The following SPIDR variants were observed in gnomAD, a reference collection of about 807,000 sequenced individuals.
The protein encoded by SPIDR is DNA repair-scaffolding protein.
SPIDR carries 93 observed loss-of-function variants against 104.6 expected under a neutral mutation model. The ratio of observed to expected loss-of-function variants is 0.89; its 90% confidence interval spans 0.75 to 1.06. The LOEUF is 1.06. Among genes scored for constraint, SPIDR ranks in the 50% least tolerant of loss-of-function variants. SPIDR has a pLI of 0.00. For missense variants in SPIDR, 1,154 were observed against 1,111.2 expected, an observed-to-expected ratio of 1.04 and a Z score of -0.55; for synonymous variants, 431 against 416.9, an observed-to-expected ratio of 1.03 and a Z score of -0.41.
At chr8:47,438,122 A>C in intron 7 of SPIDR, among the ~76,000 whole-genome samples, 1 of 152,222 alleles carries the variant, frequency 6.6e-6, no homozygotes, top group Non-Finnish European at 1.5e-5. Context: ...GCAGCTGAGC[A>C]TGGCTGGGGG....
chr8:47,585,409 T>A lies in SPIDR; in HGVS notation c.1098-10402T>A, dbSNP rs952962760. 6.6e-5 allele frequency among the ~76,000 whole-genome samples: 10 copies of A among 152,352 alleles called. No homozygotes were observed. In the East Asian group the frequency reaches 1.9e-3, roughly 29 times the overall value. ...TGTTGTTTTAGATTGATTAATGTTA[T>A]ACAATGTCTATTTTTTATTAAATTT... is the stretch of plus-strand genomic sequence containing the variant. On this transcript the variant is annotated intron_variant, in intron 8 of 19. Coordinates refer to ENST00000297423, the MANE Select transcript of SPIDR (RefSeq NM_001080394.4).
At chr8:47,464,554 T>C (rs73565251) in intron 8 of SPIDR, among the ~76,000 whole-genome samples, 6,138 of 152,164 alleles carry the variant, frequency 0.04, 362 homozygotes, top group African/African-American at 0.13. Flanking sequence ...TCCTAGCCCC[T>C]GGTGACTCTG....
At chr8:47,503,866 A>G (rs527636344) in intron 8 of SPIDR, among the ~76,000 whole-genome samples, 2 of 152,230 alleles carry the variant, frequency 1.3e-5, no homozygotes, top group East Asian at 1.9e-4. Context: ...TTTGTCTGTA[A>G]AGGATTTTAT....
chr8:47,700,333 A>G (rs962519412), intron 11 of SPIDR, 70 bp from the exon 12 acceptor site: 2 of 1,490,864 alleles, frequency 1.3e-6, no homozygotes, highest in Non-Finnish European at 1.9e-6. Context: ...TAAGCATTCT[A>G]CCAGCTCACT....
intron 8 of SPIDR, among the ~76,000 whole-genome samples, chr8:47,567,780 C>CTTTTTTTTTTTTTTTTTTTTTTTTT (rs35199139): frequency 9.9e-5 from 7 of 71,004 alleles, no homozygotes; most frequent in Non-Finnish European, 1.3e-4. Flanking sequence ...TTTTCTTTTT[C>CTTTTTTTTTTTTTTTTTTTTTTTTT]TTTTTTTTTT....
At chr8:47,335,167 A>T (rs1245166492) in intron 5 of SPIDR, among the ~76,000 whole-genome samples, 2 of 152,180 alleles carry the variant, frequency 1.3e-5, no homozygotes, top group Admixed American at 6.5e-5. Context: ...AATTAAGAAT[A>T]AAAAAATAAA....
intron 8 of SPIDR, among the ~76,000 whole-genome samples, chr8:47,570,116 A>G (rs1271042601): frequency 6.6e-6 from 1 of 152,208 alleles, no homozygotes; most frequent in East Asian, 1.9e-4. Flanking sequence ...GACCCAGAAT[A>G]GCCAAAACAG....
chr8:47,628,233 A>AT (rs1457281293), intron 10 of SPIDR, among the ~76,000 whole-genome samples: 2 of 152,140 alleles, frequency 1.3e-5, no homozygotes, highest in Non-Finnish European at 2.9e-5. Flanking sequence ...TGTTTTCCCC[A>AT]TGGTGTTTTA....
chr8:47,551,769 C>T (rs2090529798), intron 8 of SPIDR, among the ~76,000 whole-genome samples: 1 of 152,144 alleles, frequency 6.6e-6, no homozygotes, highest in Non-Finnish European at 1.5e-5. Context: ...TCTCTATCTC[C>T]TTCAGTTCTG....
At chr8:47,315,117 T>G (rs782085666) in intron 5 of SPIDR, among the ~76,000 whole-genome samples, 29 of 152,160 alleles carry the variant, frequency 1.9e-4, no homozygotes, top group Non-Finnish European at 3.2e-4. Context: ...TCTACAGTCA[T>G]AGGTGGAAAT....
At chr8:47,460,056 A>G (rs1490540261) in intron 8 of SPIDR, among the ~76,000 whole-genome samples, 1 of 152,186 alleles carries the variant, frequency 6.6e-6, no homozygotes, top group African/African-American at 2.4e-5. Context: ...GTGGCCTATC[A>G]TATGGTCTAT....
chr8:47,529,701 T>C (rs935310311), intron 8 of SPIDR, among the ~76,000 whole-genome samples: 4 of 152,186 alleles, frequency 2.6e-5, no homozygotes, highest in African/African-American at 9.6e-5. Flanking sequence ...AAAACCTCAA[T>C]TGATCTAACA....
intron 10 of SPIDR, among the ~76,000 whole-genome samples, chr8:47,644,369 C>T (rs1312679278): frequency 2.6e-5 from 4 of 152,212 alleles, no homozygotes; most frequent in Admixed American, 1.3e-4. Context: ...CCCACTATCA[C>T]GCAAGTTGTT....
At chr8:47,363,014 A>G (rs1587709907) in intron 5 of SPIDR, among the ~76,000 whole-genome samples, 2 of 151,880 alleles carry the variant, frequency 1.3e-5, no homozygotes, top group East Asian at 2.0e-4. Context: ...ACCAAATCCT[A>G]TTCCGCCTGC....
chr8:47,490,624 A>G (rs2078532461), intron 8 of SPIDR, among the ~76,000 whole-genome samples: 2 of 152,252 alleles, frequency 1.3e-5, no homozygotes, highest in South Asian at 4.1e-4. Flanking sequence ...AGACTGGATT[A>G]AGAAAATGTG....
intron 5 of SPIDR, among the ~76,000 whole-genome samples, chr8:47,394,967 C>G (rs1563836157): frequency 6.6e-6 from 1 of 152,060 alleles, no homozygotes; most frequent in Non-Finnish European, 1.5e-5. Context: ...TTTACTTTTT[C>G]TTATTTTCAG....
chr8:47,444,079 T>C (rs2070052433), intron 8 of SPIDR, among the ~76,000 whole-genome samples: 1 of 152,194 alleles, frequency 6.6e-6, no homozygotes, highest in Admixed American at 6.5e-5. Context: ...AATAAAATAG[T>C]ATAATGAATC....
chr8:47,661,102 T>C lies in SPIDR; in HGVS notation c.1545-12699T>C, dbSNP rs188720230. The stretch of plus-strand genomic sequence containing the variant: ...CATGAAAGTGGGGGTTATTGGGGTG[T>C]GTCTGTGGCAGAAGCATTGATCTTA... On this transcript the variant is annotated intron_variant, in intron 10 of 19. Coordinates refer to ENST00000297423, the MANE Select transcript of SPIDR (RefSeq NM_001080394.4). 190 of 250,974 alleles carry C rather than the reference T, an allele frequency of 7.6e-4. 1 individual carries two copies. In the South Asian group the frequency reaches 0.013, roughly 17 times the overall value. The allele number at this position is 250,974 out of a possible 1,614,324, so 15.5% of individuals were successfully genotyped here.
intron 8 of SPIDR, among the ~76,000 whole-genome samples, chr8:47,570,654 T>A (rs549893766): frequency 6.6e-6 from 1 of 152,156 alleles, no homozygotes; most frequent in Non-Finnish European, 1.5e-5. Context: ...ATGCAGATCA[T>A]ATATTTGATA....
Sources: allele counts gnomAD v4.1 joint callset (sites outside exome capture counted in the v4.1 genomes callset), GRCh38; gene constraint gnomAD v4.1.1; transcripts MANE v1.5; gene names NCBI Gene and HGNC (gene_info 2026-07-23, HGNC 2026-07-21).